Variants in WTAP observed in about 807,000 individuals in gnomAD.
WTAP encodes WT1 associated protein.
WTAP carries 8 observed loss-of-function variants against 50.0 expected under a neutral mutation model. The observed-to-expected ratio is 0.16, with a 90% CI of 0.09 to 0.29. WTAP has a LOEUF of 0.29. Among genes scored for constraint, WTAP ranks in the 10% least tolerant of loss-of-function variants. The probability of loss-of-function intolerance (pLI) is 1.00; values close to 1 mark genes in which losing one functional copy is unlikely to be tolerated. For missense variants in WTAP, 295 were observed against 470.7 expected (o/e 0.63, Z 3.45); for synonymous variants, 194 against 169.0 (o/e 1.15, Z -1.15).
chr6:159,753,609 A>C lies in WTAP; in HGVS notation c.602A>C (p.Gln201Pro), dbSNP rs1417835197. ...KKYSEELKSS[Q>P]DELNDFIIQL... ...TACAGTGAGGAGCTTAAAAGCAGTC[A>C]GGATGGTAAGGGGTTTGTTTCTTTT... The change falls in exon 7 of 8, where the codon CAG (glutamine) becomes CCG (proline). Residue 201 changes from glutamine (Q) to proline (P), a missense_variant. Transcript: ENST00000621533. 6.2e-7 allele frequency: 1 copy of C among 1,605,760 alleles called. No homozygotes were observed. The highest frequency in any genetic ancestry group is 8.5e-7 in the Non-Finnish European group (1 of 1,175,542).
chr6:159,728,472 A>G (rs1778364148), intron 1 of WTAP, among the ~76,000 whole-genome samples: 1 of 152,230 alleles, frequency 6.6e-6, no homozygotes, highest in Non-Finnish European at 1.5e-5. Flanking sequence ...TACTTCTATG[A>G]GTATGTTACA....
intron 3 of WTAP, among the ~76,000 whole-genome samples, chr6:159,741,197 A>G (rs545154283): frequency 6.4e-4 from 97 of 152,140 alleles, no homozygotes; most frequent in African/African-American, 2.1e-3. Context: ...CTTTATTGCT[A>G]AGAGGACCTA....
intron 5 of WTAP, 73 bp downstream of exon 5, chr6:159,743,865 T>C (rs1779406215): frequency 7.1e-7 from 1 of 1,416,958 alleles, no homozygotes; most frequent in Non-Finnish European, 9.4e-7. Context: ...ACATGTTAAT[T>C]TTAAACATTT....
At chr6:159,734,963 G>A (rs1054219776) in intron 1 of WTAP, among the ~76,000 whole-genome samples, 1 of 151,772 alleles carries the variant, frequency 6.6e-6, no homozygotes. Context: ...ATTAGCATTC[G>A]TTCTAAAAAA....
chr6:159,747,391 G>T (rs1487394843), intron 5 of WTAP, among the ~76,000 whole-genome samples: 1 of 152,052 alleles, frequency 6.6e-6, no homozygotes, highest in Non-Finnish European at 1.5e-5. Flanking sequence ...TAAACAGTTG[G>T]GTTATTTAAT....
intron 2 of WTAP, chr6:159,736,822 A>G (rs969191651): frequency 1.3e-5 from 2 of 152,256 alleles, no homozygotes; most frequent in Non-Finnish European, 2.9e-5. Context: ...AATTACTCTT[A>G]CATACACACA....
intron 4 of WTAP, among the ~76,000 whole-genome samples, chr6:159,742,480 G>A (rs1381667241): frequency 6.6e-6 from 1 of 152,152 alleles, no homozygotes; most frequent in Non-Finnish European, 1.5e-5. Flanking sequence ...CTTGAAGCAT[G>A]AGTTACTAGT....
chr6:159,750,502 A>C (rs1322667071), intron 6 of WTAP, among the ~76,000 whole-genome samples: 1 of 152,246 alleles, frequency 6.6e-6, no homozygotes, highest in Non-Finnish European at 1.5e-5. Context: ...CTCCAAGAGC[A>C]GTAACTGCTA....
chr6:159,755,671 A>T lies in WTAP; in HGVS notation c.*60A>T. ...AATTTGGGAGAGGATACTGTCCAGA[A>T]AATTAATGCATACTTTTGTCACAAT... On this transcript the variant is annotated 3_prime_UTR_variant, in exon 8 of 8. Transcript: ENST00000621533. 1 of 1,408,388 alleles carries T rather than the reference A, an allele frequency of 7.1e-7. No individual in the cohort carries two copies. The highest frequency in any genetic ancestry group is 9.2e-7 in the Non-Finnish European group (1 of 1,082,432). 87.2% of individuals were successfully genotyped at this position (1,408,388 alleles called of 1,614,324 possible). A position where few individuals can be genotyped will look rare whatever the true frequency, so the allele number is the denominator to read the frequency against.
At chr6:159,745,063 C>G (rs1160379636) in intron 5 of WTAP, 1 of 152,202 alleles carries the variant, frequency 6.6e-6, no homozygotes, top group Non-Finnish European at 1.5e-5. Context: ...ACCACTGATA[C>G]TTCTTTCTCC....
In WTAP at chr6:159,755,032, G is replaced by C; in HGVS notation, c.612G>C (p.Leu204=). ...GTCTGACTCTCCTTTGCACAGAACT[G>C]AATGACTTCATCATCCAGCTTGATG... The part of the protein sequence containing the change: ...SEELKSSQDE[L]NDFIIQLDEE... The change falls in exon 8 of 8, where the codon CTG becomes CTC. Residue 204 remains leucine (L), a synonymous_variant. Transcript: ENST00000621533. 6.2e-7 allele frequency: 1 copy of C among 1,610,972 alleles called. No individual in the cohort carries two copies. The highest frequency in any genetic ancestry group is 8.5e-7 in the Non-Finnish European group (1 of 1,178,172).
intron 3 of WTAP, among the ~76,000 whole-genome samples, chr6:159,739,335 C>T (rs1319790439): frequency 1.3e-5 from 2 of 152,126 alleles, no homozygotes; most frequent in East Asian, 3.8e-4. Context: ...CTAAAAGATG[C>T]ACTTATATTT....
intron 1 of WTAP, among the ~76,000 whole-genome samples, chr6:159,729,670 A>G (rs555244624): frequency 1.3e-5 from 2 of 152,368 alleles, no homozygotes; most frequent in East Asian, 3.8e-4. Flanking sequence ...GGAAACTGCA[A>G]GAGTTAAAAG....
At position 159,755,463 on chromosome 6, in the gene WTAP, C is replaced by G. The variant is rs1779967405; in HGVS notation, c.1043C>G (p.Ser348Cys). The G allele has an allele frequency of 1.9e-6, 3 of 1,613,962 alleles. No homozygotes were observed. The highest frequency in any genetic ancestry group is 4.5e-5 in the East Asian group (2 of 44,882). ...GACTCTCCCACGGGCAGTGAAAACT[C>G]TCTCACACACCAATCAAATGACACA... Reference protein sequence around the residue: ...SVDSPTGSENSLTHQSNDTDS... With the variant: ...SVDSPTGSENCLTHQSNDTDS... The change falls in exon 8 of 8, where the codon TCT becomes TGT. Residue 348 changes from serine to cysteine, a missense_variant. Physicochemically the swap from Ser to Cys is moderately radical, Grantham distance 112. This residue lies in a region of WTAP where 175 missense variants were observed against 183.1 expected (regional missense o/e 0.96). Transcript: ENST00000621533.
At chr6:159,726,736 A>G (rs1778186454), upstream of WTAP, 11 of 1,279,670 alleles carry the variant, frequency 8.6e-6, no homozygotes, top group South Asian at 1.2e-4. Context: ...CCAGAGAACA[A>G]TAGCTCCTCG....
At chr6:159,732,629 G>A (rs2114877902) in intron 1 of WTAP, among the ~76,000 whole-genome samples, 1 of 152,274 alleles carries the variant, frequency 6.6e-6, no homozygotes, top group South Asian at 2.1e-4. Flanking sequence ...GAGGTGAGGA[G>A]TTCGAGACCA....
intron 3 of WTAP, 139 bp from the exon 4 acceptor site, chr6:159,741,949 C>G: frequency 1.5e-6 from 1 of 656,404 alleles, no homozygotes; most frequent in Non-Finnish European, 2.6e-6. Context: ...GAGACTCTGT[C>G]TAAAAAAAAC....
rs1300984555 is a variant in WTAP, at chr6:159,727,636, C to T, written c.-76C>T. 4.1e-6 allele frequency: 4 copies of T among 985,904 alleles called. No individual in the cohort carries two copies. Among genetic ancestry groups the T allele is most frequent in the East Asian group, 2.3e-4 (2 of 8,820 alleles). The allele number at this position is 985,904 out of a possible 1,614,324, so 61.1% of individuals were successfully genotyped here. On this transcript the variant is annotated 5_prime_UTR_variant, in exon 1 of 8. Transcript: ENST00000621533. The stretch of plus-strand genomic sequence containing the variant: ...TGCGCGGTGGCCCGGGGGGCCCGGG[C>T]GGCAGGGCAAGCAGCGCGGCCTCGG...
At chr6:159,751,132 AAAC>A (rs1257458223) in intron 6 of WTAP, among the ~76,000 whole-genome samples, 28 of 152,386 alleles carry the variant, frequency 1.8e-4, no homozygotes, top group Non-Finnish European at 2.5e-4. Context: ...ATTATTTCAA[AAAC>A]AACTACTTGT....
Sources: gnomAD v4.1 joint callset for allele counts (sites outside exome capture counted in the v4.1 genomes callset) on GRCh38, gnomAD v4.1.1 for gene constraint, gnomAD v4.1.1 regional missense constraint, MANE v1.5 for transcripts, NCBI Gene and HGNC (gene_info 2026-07-23, HGNC 2026-07-21) for gene names.